ATG14: variants seen among roughly 807,000 people sequenced by gnomAD.
ATG14 encodes beclin 1-associated autophagy-related key regulator.
A neutral mutation model predicts 60.4 loss-of-function variants in ATG14; 35 were observed. The observed-to-expected ratio is 0.58, with a 90% CI of 0.44 to 0.77. ATG14 has a LOEUF of 0.77. Among genes scored for constraint, ATG14 ranks in the 30% least tolerant of loss-of-function variants. ATG14 has a pLI of 0.00. For missense variants in ATG14, 647 were observed against 626.3 expected, an observed-to-expected ratio of 1.03 and a Z score of -0.35; for synonymous variants, 234 against 228.8, an observed-to-expected ratio of 1.02 and a Z score of -0.21.
intron 2 of ATG14, among the ~76,000 whole-genome samples, chr14:55,396,469 G>C (rs911503116): frequency 1.4e-4 from 21 of 152,174 alleles, no homozygotes; most frequent in African/African-American, 5.1e-4. Flanking sequence ...GAATATCCTG[G>C]TAGATTTAAA....
rs1311754986 is a variant in ATG14, at chr14:55,368,818, A to ATAAG, written c.*797_*800dup. The stretch of plus-strand genomic sequence containing the variant: ...CATGACTTATTTTCACCCAGAAAAT[A>ATAAG]TAAGTTCAATTTCAAAATGCTCATA... On this transcript the variant is annotated 3_prime_UTR_variant, in exon 10 of 10. Coordinates refer to ENST00000247178, the MANE Select transcript of ATG14 (RefSeq NM_014924.5). 2.6e-5 allele frequency: 4 copies of ATAAG among 152,250 alleles called. No homozygotes were observed. The highest frequency in any genetic ancestry group is 4.8e-5 in the African/African-American group (2 of 41,468). 9.4% of individuals were successfully genotyped at this position (152,250 alleles called of 1,614,324 possible).
chr14:55,390,995 G>A lies in ATG14; in HGVS notation c.328-3C>T. On this transcript the variant is annotated splice_region_variant and splice_polypyrimidine_tract_variant and intron_variant, in intron 3 of 9. Coordinates refer to ENST00000247178, the MANE Select transcript of ATG14 (RefSeq NM_014924.5). ...TTGCAGGACATTATTTTCCATCTCT[G>A]AAAAAAGCATGTAATAAATATCACA... The A allele has an allele frequency of 6.3e-7, 1 of 1,596,738 alleles. No individual in the cohort carries two copies. Among genetic ancestry groups the A allele is most frequent in the South Asian group, 1.1e-5 (1 of 88,590 alleles).
chr14:55,391,795 G>T (rs1234401317), intron 3 of ATG14, among the ~76,000 whole-genome samples: 2 of 152,136 alleles, frequency 1.3e-5, no homozygotes, highest in African/African-American at 4.8e-5. Flanking sequence ...TCTAGTTCTG[G>T]TTACTGAGGA....
In ATG14 at chr14:55,367,254, C is replaced by T. The variant is rs1282063334; in HGVS notation, c.*2365G>A. 6.6e-6 allele frequency: 1 copy of T among 152,220 alleles called. No individual in the cohort carries two copies. Among genetic ancestry groups the T allele is most frequent in the Non-Finnish European group, 1.5e-5 (1 of 68,042 alleles). 9.4% of individuals were successfully genotyped at this position (152,220 alleles called of 1,614,324 possible). Reference sequence around the variant, plus strand: ...CACCAAGCTCCAAATCCCACTCTTACAACTCGTGAGACTAAGCTCTTACTT... The same window carrying T: ...CACCAAGCTCCAAATCCCACTCTTATAACTCGTGAGACTAAGCTCTTACTT... On this transcript the variant is annotated 3_prime_UTR_variant, in exon 10 of 10. Coordinates refer to ENST00000247178, the MANE Select transcript of ATG14 (RefSeq NM_014924.5).
In ATG14 at chr14:55,366,582, C is replaced by T. The variant is rs923935134; in HGVS notation, c.*3037G>A. 8 of 152,444 alleles carry T rather than the reference C, an allele frequency of 5.2e-5. No homozygotes were observed. The highest frequency in any genetic ancestry group is 1.3e-4 in the Admixed American group (2 of 15,274). The allele number at this position is 152,444 out of a possible 1,614,324, so 9.4% of individuals were successfully genotyped here. On this transcript the variant is annotated 3_prime_UTR_variant, in exon 10 of 10. Transcript: ENST00000247178. Reference sequence around the variant, plus strand: ...CCAAATTGAGTCCTTACATGAGTCCCGTCCACTCTACCCAATGGTGATATA... The same window carrying T: ...CCAAATTGAGTCCTTACATGAGTCCTGTCCACTCTACCCAATGGTGATATA...
At chr14:55,396,361 A>G (rs565311413) in intron 2 of ATG14, among the ~76,000 whole-genome samples, 26 of 152,228 alleles carry the variant, frequency 1.7e-4, no homozygotes, top group Non-Finnish European at 2.5e-4. Context: ...TATTGGTTCT[A>G]TGGAATAAAA....
intron 2 of ATG14, among the ~76,000 whole-genome samples, chr14:55,396,269 C>G (rs181614548): frequency 1.3e-5 from 2 of 152,116 alleles, no homozygotes; most frequent in Non-Finnish European, 2.9e-5. Context: ...AACTGCCATC[C>G]GTCATAATTC....
At position 55,402,963 on chromosome 14, in the gene ATG14, ATAT is replaced by A. The variant is rs1566585789; in HGVS notation, c.222-5532_222-5530del. ...TATATATATATATATATATATATAT[ATAT>A]ATAAATAGCTGGGCATAGTGGTGCA... On this transcript the variant is annotated intron_variant, in intron 1 of 9. Transcript: ENST00000247178. Among the ~76,000 whole-genome samples, 21 of 78,330 alleles carry A rather than the reference ATAT, an allele frequency of 2.7e-4. No homozygotes were observed. In the East Asian group the frequency reaches 3.7e-3, roughly 14 times the overall value. 51.4% of individuals were successfully genotyped at this position (78,330 alleles called of 152,430 possible).
intron 1 of ATG14, among the ~76,000 whole-genome samples, chr14:55,399,083 T>C (rs1260853032): frequency 6.6e-6 from 1 of 152,192 alleles, no homozygotes; most frequent in Non-Finnish European, 1.5e-5. Context: ...ACTATTTCTG[T>C]AATCCCATGT....
At chr14:55,403,417 T>C (rs1011233934) in intron 1 of ATG14, among the ~76,000 whole-genome samples, 3 of 152,172 alleles carry the variant, frequency 2.0e-5, no homozygotes, top group African/African-American at 7.2e-5. Flanking sequence ...AGAAAATGTA[T>C]ACTACAGTTC....
intron 2 of ATG14, among the ~76,000 whole-genome samples, chr14:55,396,289 G>A (rs1885312996): frequency 6.6e-6 from 1 of 152,140 alleles, no homozygotes; most frequent in Non-Finnish European, 1.5e-5. Flanking sequence ...CATAGCAATA[G>A]TTACAAGAGA....
chr14:55,404,577 T>C (rs1885459649), intron 1 of ATG14, among the ~76,000 whole-genome samples: 1 of 152,194 alleles, frequency 6.6e-6, no homozygotes. Flanking sequence ...AAAACTCTTT[T>C]GCATTATGAC....
In ATG14 at chr14:55,368,587, G is replaced by A. The variant is rs1379651592; in HGVS notation, c.*1032C>T. 6.6e-6 allele frequency: 1 copy of A among 152,196 alleles called. No homozygotes were observed. The highest frequency in any genetic ancestry group is 6.5e-5 in the Admixed American group (1 of 15,278). 9.4% of individuals were successfully genotyped at this position (152,196 alleles called of 1,614,324 possible). On this transcript the variant is annotated 3_prime_UTR_variant, in exon 10 of 10. Coordinates refer to ENST00000247178, the MANE Select transcript of ATG14 (RefSeq NM_014924.5). ...AGAGTAGCATCAGCCGTAAGGATCT[G>A]CGCTGCATTTCTGAGCAAAGCTGTG...
chr14:55,395,353 T>TTTTG (rs763223869), intron 3 of ATG14: 28 of 204,194 alleles, frequency 1.4e-4, no homozygotes, highest in East Asian at 1.3e-3. Flanking sequence ...TTGTTAAATT[T>TTTTG]TTTGTTTGTT....
Position 55,385,967 on chromosome 14 carries a change from G to T in ATG14, c.539C>A (p.Thr180Asn), listed in dbSNP as rs774322181. Residue 180 changes from threonine (T) to asparagine (N), a missense_variant, in exon 5 of 10, where the codon ACC becomes AAC. Coordinates refer to ENST00000247178, the MANE Select transcript of ATG14 (RefSeq NM_014924.5). Reference protein sequence around the residue: ...RKLGDLVEKKTIDLRSHYERL... With the variant: ...RKLGDLVEKKNIDLRSHYERL... ...CTCATAATGACTTCTTAAGTCAATGGTCTTTTTTTCTACCAGGTCACCAAG... is the reference window on the plus strand; with the variant it reads ...CTCATAATGACTTCTTAAGTCAATGTTCTTTTTTTCTACCAGGTCACCAAG... 2 of 1,614,116 alleles carry T rather than the reference G, an allele frequency of 1.2e-6. No homozygotes were observed. Among genetic ancestry groups the T allele is most frequent in the Non-Finnish European group, 8.5e-7 (1 of 1,180,020 alleles).
chr14:55,395,337 C>G (rs1273704191), intron 3 of ATG14: 3 of 227,788 alleles, frequency 1.3e-5, no homozygotes, highest in Non-Finnish European at 2.7e-5. Flanking sequence ...CTCCCAAACT[C>G]TTTAATTGTT....
chr14:55,399,009 G>C lies in ATG14; in HGVS notation c.222-1575C>G, dbSNP rs532501425. 2.0e-5 allele frequency among the ~76,000 whole-genome samples: 3 copies of C among 152,252 alleles called. No individual in the cohort carries two copies. The South Asian group carries it at 6.2e-4, about 32-fold the overall frequency. Reference sequence around the variant, plus strand: ...CTTTTGGCTATTTCCCAGCAAAAAGGAAAACAATTCAACAGGCCATAACAG... The same window carrying C: ...CTTTTGGCTATTTCCCAGCAAAAAGCAAAACAATTCAACAGGCCATAACAG... On this transcript the variant is annotated intron_variant, in intron 1 of 9. Transcript: ENST00000247178.
intron 3 of ATG14, chr14:55,395,189 T>C: frequency 4.6e-6 from 2 of 435,216 alleles, no homozygotes. Context: ...TCTTGGGCTC[T>C]TCCTCTGTGG....
chr14:55,396,845 T>TC (rs924004834), intron 2 of ATG14, among the ~76,000 whole-genome samples: 3 of 150,510 alleles, frequency 2.0e-5, no homozygotes, highest in East Asian at 1.9e-4. Flanking sequence ...TTCCCACCAT[T>TC]CCCCCCCACA....
Sources: gnomAD v4.1 joint callset for allele counts (sites outside exome capture counted in the v4.1 genomes callset) on GRCh38, gnomAD v4.1.1 for gene constraint, MANE v1.5 for transcripts, NCBI Gene and HGNC (gene_info 2026-07-23, HGNC 2026-07-21) for gene names.